Variants in TMEM178A observed in about 807,000 individuals in gnomAD.
The protein encoded by TMEM178A is transmembrane protein 178A.
A neutral mutation model predicts 29.1 loss-of-function variants in TMEM178A; 12 were observed. That is an observed-to-expected ratio of 0.41 (90% confidence interval 0.26 to 0.67). The LOEUF is 0.67. Among genes scored for constraint, TMEM178A ranks in the 30% least tolerant of loss-of-function variants. TMEM178A has a pLI of 0.29. For missense variants in TMEM178A, 366 were observed against 419.1 expected, an observed-to-expected ratio of 0.87 and a Z score of 1.11; for synonymous variants, 210 against 187.2, an observed-to-expected ratio of 1.12 and a Z score of -0.99.
chr2:39,670,705 C>T (rs1558440768), intron 1 of TMEM178A, among the ~76,000 whole-genome samples: 2 of 152,210 alleles, frequency 1.3e-5, no homozygotes, highest in African/African-American at 4.8e-5. Flanking sequence ...CTTGAAAACA[C>T]TGACTTTAAT....
chr2:39,728,040 T>C, the TMEM178A span, among the ~76,000 whole-genome samples: 1 of 152,208 alleles, frequency 6.6e-6, no homozygotes, highest in Non-Finnish European at 1.5e-5. Context: ...CATGTGTCTT[T>C]ATAGTAGCAT....
In TMEM178A at chr2:39,676,295, A is replaced by G. The variant is rs535538193; in HGVS notation, c.400+9921A>G. On this transcript the variant is annotated intron_variant, in intron 1 of 3. Coordinates refer to ENST00000281961, the MANE Select transcript of TMEM178A (RefSeq NM_152390.3). ...AACAGGACGTTTGGAGAAAGCCTGC[A>G]TGTGGCTAGTTAATTAAAGAGATTC... Among the ~76,000 whole-genome samples the G allele has an allele frequency of 2.0e-5, 3 of 152,364 alleles. No homozygotes were observed. The South Asian group carries it at 6.2e-4, about 32-fold the overall frequency.
At chr2:39,712,360 G>A (rs1289605669) in intron 3 of TMEM178A, among the ~76,000 whole-genome samples, 1 of 151,866 alleles carries the variant, frequency 6.6e-6, no homozygotes. Context: ...CAAAAGAGTG[G>A]GCCCCGTTAC....
chr2:39,696,478 C>G (rs950771291), intron 1 of TMEM178A, among the ~76,000 whole-genome samples: 1 of 152,298 alleles, frequency 6.6e-6, no homozygotes, highest in Non-Finnish European at 1.5e-5. Flanking sequence ...TGAATTACCT[C>G]TTTCATTCCT....
chr2:39,732,051 G>T, the TMEM178A span, among the ~76,000 whole-genome samples: 290 of 152,126 alleles, frequency 1.9e-3, 1 homozygote, highest in African/African-American at 6.8e-3. Context: ...TCATGTTCCT[G>T]ACCATCCATC....
downstream of TMEM178A, among the ~76,000 whole-genome samples, chr2:39,719,126 ACT>A (rs1225387620): frequency 2.0e-5 from 3 of 152,062 alleles, no homozygotes; most frequent in Admixed American, 6.6e-5. Flanking sequence ...ATTCACTGGC[ACT>A]CTCTCAGGCC....
intron 1 of TMEM178A, among the ~76,000 whole-genome samples, chr2:39,680,073 C>T (rs1242432545): frequency 1.3e-5 from 2 of 152,114 alleles, no homozygotes; most frequent in South Asian, 4.1e-4. Context: ...ATTGAGGTGA[C>T]AGGAGACTGG....
chr2:39,670,107 A>T (rs1218423233), intron 1 of TMEM178A, among the ~76,000 whole-genome samples: 1 of 152,192 alleles, frequency 6.6e-6, no homozygotes, highest in Non-Finnish European at 1.5e-5. Context: ...TCACCCAGCG[A>T]TTTGAGTGCT....
At position 39,707,886 on chromosome 2, in the gene TMEM178A, G is replaced by A. The variant is rs556748069; in HGVS notation, c.652+700G>A. Among the ~76,000 whole-genome samples the A allele has an allele frequency of 1.7e-4, 26 of 152,304 alleles. No individual in the cohort carries two copies. In the East Asian group the frequency reaches 5.0e-3, roughly 29 times the overall value. The stretch of plus-strand genomic sequence containing the variant: ...GATAGATCAGCACAACCCATGCCCC[G>A]CTGGATGTCAATTCAAAGCATGCTT... On this transcript the variant is annotated intron_variant, in intron 3 of 3. Coordinates refer to ENST00000281961, the MANE Select transcript of TMEM178A (RefSeq NM_152390.3).
chr2:39,724,334 C>G, the TMEM178A span, among the ~76,000 whole-genome samples: 2 of 151,912 alleles, frequency 1.3e-5, no homozygotes, highest in Non-Finnish European at 2.9e-5. Context: ...GATAGCAACT[C>G]AAAGACTCAT....
At chr2:39,731,362 C>G in the TMEM178A span, among the ~76,000 whole-genome samples, 1 of 152,160 alleles carries the variant, frequency 6.6e-6, no homozygotes, top group Non-Finnish European at 1.5e-5. Flanking sequence ...GCCCATGATT[C>G]TGCGGGCTGA....
intron 1 of TMEM178A, among the ~76,000 whole-genome samples, chr2:39,683,271 C>T (rs1483160754): frequency 6.6e-6 from 1 of 152,212 alleles, no homozygotes; most frequent in African/African-American, 2.4e-5. Flanking sequence ...CGTCCGTCCC[C>T]ATAGTCTCAC....
intron 1 of TMEM178A, among the ~76,000 whole-genome samples, chr2:39,695,415 T>A (rs1572674462): frequency 6.7e-6 from 1 of 150,066 alleles, no homozygotes; most frequent in East Asian, 1.9e-4. Context: ...AGAGGCAGAC[T>A]TTCTGATCTA....
At chr2:39,688,706 A>C (rs1671185190) in intron 1 of TMEM178A, among the ~76,000 whole-genome samples, 1 of 152,260 alleles carries the variant, frequency 6.6e-6, no homozygotes, top group Admixed American at 6.5e-5. Flanking sequence ...TTGCTTAGAA[A>C]AAGTTGAAAA....
rs185690174 is a variant in TMEM178A, at chr2:39,668,660, T to A, written c.400+2286T>A. Among the ~76,000 whole-genome samples, 593 of 152,098 alleles carry A rather than the reference T, an allele frequency of 3.9e-3. 2 individuals are homozygous for A. The highest frequency in any genetic ancestry group is 0.019 in the South Asian group (91 of 4,784). Reference sequence around the variant, plus strand: ...GCCAACGCTATTAAGCAATGAGGAGTTTGGAGGAAAGAACAGGCATTGGTA... The same window carrying A: ...GCCAACGCTATTAAGCAATGAGGAGATTGGAGGAAAGAACAGGCATTGGTA... On this transcript the variant is annotated intron_variant, in intron 1 of 3. Coordinates refer to ENST00000281961, the MANE Select transcript of TMEM178A (RefSeq NM_152390.3).
At chr2:39,687,242 T>C (rs936853736) in intron 1 of TMEM178A, 1 of 166,906 alleles carries the variant, frequency 6.0e-6, no homozygotes, top group African/African-American at 2.4e-5. Context: ...CTGATAGTTA[T>C]TTGGACTGTT....
Position 39,716,998 on chromosome 2 carries a change from T to C in TMEM178A, c.653-12T>C. ...GTAACTAATCATTCTGTTCTCTTTGTATTATTTATAGGGATATTTTGCACC... is the reference window on the plus strand; with the variant it reads ...GTAACTAATCATTCTGTTCTCTTTGCATTATTTATAGGGATATTTTGCACC... On this transcript the variant is annotated splice_polypyrimidine_tract_variant and intron_variant, in intron 3 of 3. Transcript: ENST00000281961. 5.6e-6 allele frequency: 9 copies of C among 1,606,358 alleles called. No individual in the cohort carries two copies. Among genetic ancestry groups the C allele is most frequent in the Non-Finnish European group, 6.8e-6 (8 of 1,175,306 alleles).
the TMEM178A span, among the ~76,000 whole-genome samples, chr2:39,726,758 A>G: frequency 6.6e-6 from 1 of 151,994 alleles, no homozygotes; most frequent in African/African-American, 2.4e-5. Context: ...ACAAAAAGGC[A>G]GCTAGCAGGG....
At chr2:39,694,080 A>C (rs1671439353) in intron 1 of TMEM178A, among the ~76,000 whole-genome samples, 8 of 151,070 alleles carry the variant, frequency 5.3e-5, no homozygotes. Flanking sequence ...ATGTGTTTGC[A>C]GTTCAAGGAA....
Sources: gnomAD v4.1 joint callset for allele counts (sites outside exome capture counted in the v4.1 genomes callset) on GRCh38, gnomAD v4.1.1 for gene constraint, MANE v1.5 for transcripts, NCBI Gene and HGNC (gene_info 2026-07-23, HGNC 2026-07-21) for gene names.